PPP3CB: variants seen among roughly 807,000 people sequenced by gnomAD.
PPP3CB encodes protein phosphatase 3 catalytic subunit beta.
In PPP3CB, 8 loss-of-function variants were observed where a neutral mutation model predicts 66.4. The ratio of observed to expected loss-of-function variants is 0.12; its 90% CI spans 0.07 to 0.22. The LOEUF is 0.22. Among genes scored for constraint, PPP3CB ranks in the 10% least tolerant of loss-of-function variants. The pLI, the probability that PPP3CB is intolerant of heterozygous loss-of-function variation, is 1.00. For synonymous variants in PPP3CB, 208 were observed against 221.2 expected (o/e 0.94, Z 0.53); for missense variants, 319 against 642.5 (o/e 0.50, Z 5.44).
At chr10:73,467,787 T>G in intron 8 of PPP3CB, 109 bp from the exon 9 acceptor site, 19 of 1,023,934 alleles carry the variant, frequency 1.9e-5, no homozygotes, top group Middle Eastern at 3.2e-4. Flanking sequence ...GGAAGGGAGA[T>G]CGGGGGTGAG....
intron 10 of PPP3CB, 136 bp downstream of exon 10, chr10:73,454,276 G>A: frequency 6.7e-6 from 3 of 445,566 alleles, no homozygotes; most frequent in South Asian, 7.2e-5. Flanking sequence ...TCCAAAAAAA[G>A]TAACTTGTTA....
intron 1 of PPP3CB, among the ~76,000 whole-genome samples, chr10:73,480,969 C>T (rs2056865929): frequency 6.6e-6 from 1 of 152,038 alleles, no homozygotes; most frequent in Admixed American, 6.6e-5. Context: ...GTAAGTTTTT[C>T]TTATTCCTTT....
intron 12 of PPP3CB, 131 bp from the exon 13 acceptor site, chr10:73,440,032 C>T: frequency 2.1e-6 from 2 of 953,272 alleles, no homozygotes; most frequent in Non-Finnish European, 1.6e-6. Context: ...TAAAATTTAA[C>T]ATAAATAGTA....
At chr10:73,469,286 T>C (rs766556217) in intron 8 of PPP3CB, among the ~76,000 whole-genome samples, 3 of 152,206 alleles carry the variant, frequency 2.0e-5, no homozygotes, top group Non-Finnish European at 4.4e-5. Context: ...CTCAGGCCTA[T>C]AATCGCAGCA....
intron 12 of PPP3CB, chr10:73,443,694 T>C (rs991590855): frequency 1.3e-5 from 2 of 152,246 alleles, no homozygotes; most frequent in Non-Finnish European, 2.9e-5. Context: ...TAATCTGTAA[T>C]GGGCTTTTAA....
At position 73,471,067 on chromosome 10, in the gene PPP3CB, T is replaced by C. The variant is rs2056694458; in HGVS notation, c.809+3A>G. 4 of 1,604,384 alleles carry C rather than the reference T, an allele frequency of 2.5e-6. No individual in the cohort carries two copies. The African/African-American group carries it at 5.3e-5, about 21-fold the overall frequency. ...GTGATTAATCTTGGATATTTTTCCTTACTTATAAAAATAAGAACATCCTCG... is the reference window on the plus strand; with the variant it reads ...GTGATTAATCTTGGATATTTTTCCTCACTTATAAAAATAAGAACATCCTCG... On this transcript the variant is annotated splice_donor_region_variant and intron_variant, in intron 6 of 13. Coordinates refer to ENST00000360663, the MANE Select transcript of PPP3CB (RefSeq NM_021132.4).
chr10:73,478,710 T>C (rs2056828726), intron 2 of PPP3CB, 87 bp from the exon 3 acceptor site: 6 of 1,155,366 alleles, frequency 5.2e-6, no homozygotes, highest in Non-Finnish European at 7.5e-6. Flanking sequence ...ACATAAGACA[T>C]AGTACAAATG....
intron 4 of PPP3CB, among the ~76,000 whole-genome samples, chr10:73,474,058 CT>C (rs1272335565): frequency 6.6e-6 from 1 of 150,462 alleles, no homozygotes; most frequent in Non-Finnish European, 1.5e-5. Flanking sequence ...TTTTTTTTTC[CT>C]GAGACAGAGT....
intron 1 of PPP3CB, among the ~76,000 whole-genome samples, chr10:73,494,652 A>T (rs2057146893): frequency 6.8e-6 from 1 of 146,796 alleles, no homozygotes; most frequent in African/African-American, 2.5e-5. Flanking sequence ...TTTTTAATTA[A>T]AAAAAAAAAA....
Position 73,471,053 on chromosome 10 carries a change from T to C in PPP3CB, c.809+17A>G, listed in dbSNP as rs1160923853. On this transcript the variant is annotated intron_variant, in intron 6 of 13. Coordinates refer to ENST00000360663, the MANE Select transcript of PPP3CB (RefSeq NM_021132.4). ...TTAACAACTAAAATGTGATTAATCTTGGATATTTTTCCTTACTTATAAAAA... is the reference window on the plus strand; with the variant it reads ...TTAACAACTAAAATGTGATTAATCTCGGATATTTTTCCTTACTTATAAAAA... 6.3e-7 allele frequency: 1 copy of C among 1,599,508 alleles called. No homozygotes were observed. The highest frequency in any genetic ancestry group is 1.3e-5 in the African/African-American group (1 of 74,762).
intron 1 of PPP3CB, among the ~76,000 whole-genome samples, chr10:73,488,300 T>C (rs1416956599): frequency 6.6e-6 from 1 of 152,088 alleles, no homozygotes; most frequent in Non-Finnish European, 1.5e-5. Flanking sequence ...ACTGCAGCAC[T>C]TTGGGAGGCC....
rs144501248 is a variant in PPP3CB at position 73,452,462 on chromosome 10, G to C, written c.1186+1950C>G. Among the ~76,000 whole-genome samples, 656 of 152,268 alleles carry C rather than the reference G, an allele frequency of 4.3e-3. 6 individuals are homozygous for C. Among genetic ancestry groups the C allele is most frequent in the African/African-American group, 0.015 (609 of 41,554 alleles). ...TGTAATCCTAACACTTTGGGAGGCA[G>C]AGGCGGGCCGATCATCTGAGGTCAG... On this transcript the variant is annotated intron_variant, in intron 10 of 13. Coordinates refer to ENST00000360663, the MANE Select transcript of PPP3CB (RefSeq NM_021132.4).
At chr10:73,480,133 GAGATAT>G (rs1373355491) in intron 1 of PPP3CB, among the ~76,000 whole-genome samples, 1 of 152,150 alleles carries the variant, frequency 6.6e-6, no homozygotes, top group African/African-American at 2.4e-5. Flanking sequence ...TACACTTTTA[GAGATAT>G]AGACCAAACA....
intron 1 of PPP3CB, among the ~76,000 whole-genome samples, chr10:73,481,336 G>C (rs982738348): frequency 1.3e-5 from 2 of 151,436 alleles, no homozygotes; most frequent in African/African-American, 4.9e-5. Flanking sequence ...GCTGGGTGTG[G>C]TGGTGCACAC....
chr10:73,481,474 T>G (rs1168129014), intron 1 of PPP3CB, among the ~76,000 whole-genome samples: 2 of 150,476 alleles, frequency 1.3e-5, no homozygotes, highest in Non-Finnish European at 3.0e-5. Flanking sequence ...CCATCAAATA[T>G]ATATATATAT....
rs114359717 is a variant in PPP3CB at position 73,469,715 on chromosome 10, C to T, written c.982+972G>A. The stretch of plus-strand genomic sequence containing the variant: ...TAATCTTTTAACCATCACCTCTCAT[C>T]ATCCAAAAAAACTTCCTCTGTTCCT... On this transcript the variant is annotated intron_variant, in intron 8 of 13. Transcript: ENST00000360663. Among the ~76,000 whole-genome samples, 524 of 152,294 alleles carry T rather than the reference C, an allele frequency of 3.4e-3. 3 individuals are homozygous for T. Among genetic ancestry groups the T allele is most frequent in the African/African-American group, 0.012 (501 of 41,564 alleles).
At chr10:73,489,207 T>C (rs1311183330) in intron 1 of PPP3CB, among the ~76,000 whole-genome samples, 2 of 152,154 alleles carry the variant, frequency 1.3e-5, no homozygotes, top group Non-Finnish European at 2.9e-5. Context: ...CCAATATACT[T>C]ACCTTCTAAT....
chr10:73,473,207 G>GCCACTACC (rs1327559711), intron 4 of PPP3CB, among the ~76,000 whole-genome samples: 1 of 152,094 alleles, frequency 6.6e-6, no homozygotes, highest in East Asian at 1.9e-4. Flanking sequence ...TGCCACTTCT[G>GCCACTACC]CCACTACCCA....
chr10:73,445,956 C>G (rs2056242613), intron 11 of PPP3CB, among the ~76,000 whole-genome samples: 1 of 151,320 alleles, frequency 6.6e-6, no homozygotes, highest in Admixed American at 6.6e-5. Context: ...ACCATGTTGG[C>G]CAGGATGGTC....
Sources: gnomAD v4.1 joint callset for allele counts (sites outside exome capture counted in the v4.1 genomes callset) on GRCh38, gnomAD v4.1.1 for gene constraint, MANE v1.5 for transcripts, NCBI Gene and HGNC (gene_info 2026-07-23, HGNC 2026-07-21) for gene names.